MEMO1: variants seen among roughly 807,000 people sequenced by gnomAD.
MEMO1 encodes the protein mediator of cell motility 1, also known as protein MEMO1.
In MEMO1, 6 loss-of-function variants were observed where a neutral mutation model predicts 45.2. The observed-to-expected ratio is 0.13, with a 90% CI of 0.07 to 0.26. The LOEUF (loss-of-function observed/expected upper bound fraction) is 0.26, where lower values mean the gene tolerates loss of function less well. Ranked by LOEUF, MEMO1 falls within the 10% of genes least tolerant of loss-of-function variation. The pLI is 1.00. For synonymous variants in MEMO1, 78 were observed against 124.3 expected, an observed-to-expected ratio of 0.63 and a Z score of 2.48; for missense variants, 184 against 370.5, an observed-to-expected ratio of 0.50 and a Z score of 4.13.
chr2:31,978,304 T>C (rs1474005477), intron 2 of MEMO1, among the ~76,000 whole-genome samples: 1 of 152,028 alleles, frequency 6.6e-6, no homozygotes, highest in Non-Finnish European at 1.5e-5. Context: ...GGAGAATCAC[T>C]TGAACCCAGG....
chr2:31,982,685 A>G (rs1447596112), intron 2 of MEMO1, among the ~76,000 whole-genome samples: 1 of 152,038 alleles, frequency 6.6e-6, no homozygotes, highest in Non-Finnish European at 1.5e-5. Flanking sequence ...TTGTAACGCT[A>G]AAGGCACAAA....
chr2:31,930,811 A>ATTTTTTTTTTTTTTTTTTTTT (rs376524077), intron 4 of MEMO1, among the ~76,000 whole-genome samples: 17 of 126,080 alleles, frequency 1.3e-4, no homozygotes, highest in African/African-American at 3.7e-4. Flanking sequence ...ACGCCTGGCA[A>ATTTTTTTTTTTTTTTTTTTTT]TTTTTTTTTT....
chr2:31,973,663 T>C (rs1669671508), intron 2 of MEMO1, among the ~76,000 whole-genome samples: 1 of 152,196 alleles, frequency 6.6e-6, no homozygotes, highest in Non-Finnish European at 1.5e-5. Context: ...TGATATATGC[T>C]ACTATGTGAA....
chr2:31,871,498 T>C (rs554106064), intron 8 of MEMO1, among the ~76,000 whole-genome samples: 1,607 of 147,970 alleles, frequency 0.011, 31 homozygotes, highest in African/African-American at 0.038. Flanking sequence ...ATTCCATATA[T>C]ACACACACAC....
At chr2:32,009,518 C>T (rs1210491954) in intron 2 of MEMO1, among the ~76,000 whole-genome samples, 2 of 152,188 alleles carry the variant, frequency 1.3e-5, no homozygotes, top group African/African-American at 4.8e-5. Flanking sequence ...CCCTTCACTC[C>T]CTGCAAGACA....
At chr2:32,009,898 T>C (rs1674614288) in intron 2 of MEMO1, among the ~76,000 whole-genome samples, 1 of 151,814 alleles carries the variant, frequency 6.6e-6, no homozygotes, top group Non-Finnish European at 1.5e-5. Context: ...AGCCTGGTCC[T>C]GAGGGAGGGC....
In MEMO1 at chr2:32,006,647, G is replaced by C. The variant is rs555425707; in HGVS notation, c.61+3540C>G. On this transcript the variant is annotated intron_variant, in intron 2 of 9. Transcript: ENST00000404530. ...TTGCAGTATGGGCCACAGTTAGTTT[G>C]CTGATACCTGCTGCACACACATAAA... Among the ~76,000 whole-genome samples, 3 of 151,568 alleles carry C rather than the reference G, an allele frequency of 2.0e-5. No homozygotes were observed. In the South Asian group the frequency reaches 6.2e-4, roughly 32 times the overall value.
rs569990431 is a variant in MEMO1 at position 31,978,084 on chromosome 2, G to A, written c.61+32103C>T. ...CAAGGTTCAGTTTCTTCATATGACC[G>A]CTGTATTAAAAGAGAAATGCAGCCA... On this transcript the variant is annotated intron_variant, in intron 2 of 9. Transcript: ENST00000404530. 2.2e-4 allele frequency among the ~76,000 whole-genome samples: 34 copies of A among 151,870 alleles called. No homozygotes were observed. In the East Asian group the frequency reaches 5.8e-3, roughly 26 times the overall value.
At chr2:31,887,982 T>C (rs1409077952) in intron 7 of MEMO1, among the ~76,000 whole-genome samples, 2 of 152,126 alleles carry the variant, frequency 1.3e-5, no homozygotes, top group African/African-American at 4.8e-5. Flanking sequence ...GTGGTATGTA[T>C]TTATAAAAAG....
intron 6 of MEMO1, among the ~76,000 whole-genome samples, chr2:31,912,864 G>T (rs1485298725): frequency 6.6e-6 from 1 of 152,204 alleles, no homozygotes; most frequent in East Asian, 1.9e-4. Context: ...TTCTAACCAT[G>T]CACGTATATT....
chr2:31,991,409 TA>T (rs1278359601), intron 2 of MEMO1, among the ~76,000 whole-genome samples: 1 of 151,978 alleles, frequency 6.6e-6, no homozygotes, highest in Non-Finnish European at 1.5e-5. Context: ...CCGTCTCTAC[TA>T]AAAATACAAA....
At chr2:32,001,439 A>T (rs1165198612) in intron 2 of MEMO1, among the ~76,000 whole-genome samples, 1 of 152,100 alleles carries the variant, frequency 6.6e-6, no homozygotes, top group East Asian at 1.9e-4. Flanking sequence ...TATTTATATT[A>T]TACTAAGCAT....
At position 31,934,742 on chromosome 2, in the gene MEMO1, G is replaced by A. The variant is rs546047843; in HGVS notation, c.144-2607C>T. ...ATGCTGTGAGCTCTTGGGCAGGGGT[G>A]TGACAATATCAAACTGTTATTAGTC... On this transcript the variant is annotated intron_variant, in intron 3 of 9. Transcript: ENST00000404530. Among the ~76,000 whole-genome samples, 10 of 152,268 alleles carry A rather than the reference G, an allele frequency of 6.6e-5. No individual in the cohort carries two copies. In the South Asian group the frequency reaches 1.9e-3, roughly 28 times the overall value.
intron 4 of MEMO1, among the ~76,000 whole-genome samples, chr2:31,926,481 T>C (rs970317642): frequency 1.3e-5 from 2 of 152,170 alleles, no homozygotes; most frequent in Non-Finnish European, 2.9e-5. Flanking sequence ...TTCATAAAAC[T>C]TTTATCACTG....
At chr2:31,920,949 C>T (rs757599238) in intron 4 of MEMO1, 39 bp from the exon 5 acceptor site, 5 of 1,298,480 alleles carry the variant, frequency 3.9e-6, no homozygotes, top group African/African-American at 3.0e-5. Context: ...AACAATTGCA[C>T]TTCTACACAA....
chr2:31,969,124 C>G (rs1449923890), intron 2 of MEMO1, among the ~76,000 whole-genome samples: 1 of 151,756 alleles, frequency 6.6e-6, no homozygotes, highest in Non-Finnish European at 1.5e-5. Flanking sequence ...AATCTAGTCA[C>G]TATATCCAAC....
chr2:31,952,702 T>C (rs1666972668), intron 2 of MEMO1, among the ~76,000 whole-genome samples: 1 of 152,196 alleles, frequency 6.6e-6, no homozygotes, highest in Non-Finnish European at 1.5e-5. Flanking sequence ...AAAATATTTA[T>C]TTTTGCTTGC....
At chr2:31,992,779 G>A (rs1358874475) in intron 2 of MEMO1, among the ~76,000 whole-genome samples, 3 of 151,556 alleles carry the variant, frequency 2.0e-5, no homozygotes, top group Admixed American at 6.6e-5. Context: ...GTGAGACTCC[G>A]TCTCAAATTT....
intron 7 of MEMO1, among the ~76,000 whole-genome samples, chr2:31,887,489 T>C (rs1423642226): frequency 1.3e-5 from 2 of 152,142 alleles, no homozygotes; most frequent in East Asian, 3.8e-4. Context: ...AAGTTAAACC[T>C]CACAACAACC....
Sources: allele counts gnomAD v4.1 joint callset (sites outside exome capture counted in the v4.1 genomes callset), GRCh38; gene constraint gnomAD v4.1.1; transcripts MANE v1.5; gene names NCBI Gene and HGNC (gene_info 2026-07-23, HGNC 2026-07-21).